The following RAPGEF6 variants were observed in gnomAD, a reference collection of about 807,000 sequenced individuals.
The protein encoded by RAPGEF6 is PDZ domain containing guanine nucleotide exchange factor (GEF) 2.
Under a neutral mutation model 171.4 loss-of-function variants are expected in RAPGEF6, and 56 were observed. The observed-to-expected ratio is 0.33, with a 90% confidence interval of 0.26 to 0.41. RAPGEF6 has a LOEUF of 0.41. RAPGEF6 is among the 10% of genes least tolerant of loss of function. The pLI, the probability that RAPGEF6 is intolerant of heterozygous loss-of-function variation, is 1.00. For synonymous variants in RAPGEF6, 692 were observed against 650.1 expected (o/e 1.06, Z -0.98); for missense variants, 1,674 against 1,921.4 (o/e 0.87, Z 2.41).
intron 5 of RAPGEF6, among the ~76,000 whole-genome samples, chr5:131,555,745 T>C: frequency 1.0e-5 from 1 of 97,204 alleles, no homozygotes; most frequent in Non-Finnish European, 2.2e-5. Context: ...GATTTATGTA[T>C]ATGTGTTATG....
intron 23 of RAPGEF6, chr5:131,440,377 T>C (rs1267564063): frequency 2.7e-6 from 1 of 364,830 alleles, no homozygotes; most frequent in Non-Finnish European, 5.4e-6. Flanking sequence ...ATGCTTTCAA[T>C]ATATTGACGT....
intron 4 of RAPGEF6, among the ~76,000 whole-genome samples, chr5:131,571,031 G>C (rs763734341): frequency 2.1e-5 from 3 of 144,962 alleles, no homozygotes; most frequent in African/African-American, 7.8e-5. Context: ...TGCAACCTCC[G>C]CCTCCCAGGT....
chr5:131,472,491 G>T, intron 17 of RAPGEF6, 96 bp downstream of exon 17: 2 of 1,362,616 alleles, frequency 1.5e-6, no homozygotes, highest in Non-Finnish European at 1.0e-6. Flanking sequence ...AGTTAAGAGG[G>T]CTGCAAGTAA....
chr5:131,492,691 G>C lies in RAPGEF6; in HGVS notation c.1622C>G (p.Pro541Arg), dbSNP rs757529472. The change falls in exon 14 of 28, where the codon CCT (proline) becomes CGT (arginine). Residue 541 changes from proline to arginine, a missense_variant. Transcript: ENST00000509018. ...VVLQKASRES[P>R]LQFSLNGGSE... ...CCCTCCATTAAGGCTGAATTGTAGA[G>C]GGGACTCGCGGGAAGCCTTTTGCAG... 3.7e-6 allele frequency: 6 copies of C among 1,613,990 alleles called. No homozygotes were observed. The highest frequency in any genetic ancestry group is 1.7e-5 in the Admixed American group (1 of 60,006).
Position 131,521,441 on chromosome 5 carries a change from A to T in RAPGEF6, c.576T>A (p.Gly192=), listed in dbSNP as rs1758471465. 1 of 1,612,688 alleles carries T rather than the reference A, an allele frequency of 6.2e-7. No individual in the cohort carries two copies. Among genetic ancestry groups the T allele is most frequent in the African/African-American group, 1.3e-5 (1 of 74,840 alleles). The change falls in exon 7 of 28, where the codon GGT becomes GGA. Residue 192 remains glycine (G), a synonymous_variant. Coordinates refer to ENST00000509018, the MANE Select transcript of RAPGEF6 (RefSeq NM_016340.6). The stretch of plus-strand genomic sequence containing the variant: ...TTCCAGAGTCACTGGCAATGCTACA[A>T]CCAGACTGACTAGAAGACACATGAG... ...QVTHVSSSQS[G]CSIASDSGSS... is the part of the protein sequence containing the mutation.
At chr5:131,503,297 T>C (rs956890802) in intron 11 of RAPGEF6, among the ~76,000 whole-genome samples, 1 of 152,174 alleles carries the variant, frequency 6.6e-6, no homozygotes, top group African/African-American at 2.4e-5. Context: ...TATTAACAGT[T>C]GAGGAATCAG....
chr5:131,599,449 C>A (rs576708174), intron 3 of RAPGEF6, among the ~76,000 whole-genome samples: 1 of 152,080 alleles, frequency 6.6e-6, no homozygotes, highest in Admixed American at 6.6e-5. Flanking sequence ...GCAAAATAAA[C>A]AATAAACAAA....
intron 4 of RAPGEF6, among the ~76,000 whole-genome samples, chr5:131,573,761 A>G (rs1165040776): frequency 6.6e-6 from 1 of 152,154 alleles, no homozygotes; most frequent in Non-Finnish European, 1.5e-5. Context: ...TACCCACGGT[A>G]AAGATGAAAA....
chr5:131,566,039 C>T (rs986456151), intron 4 of RAPGEF6, among the ~76,000 whole-genome samples: 2 of 151,668 alleles, frequency 1.3e-5, no homozygotes, highest in African/African-American at 2.4e-5. Context: ...CCCAGTTACT[C>T]GGAAGGTTGA....
In RAPGEF6 at chr5:131,433,540, T is replaced by C. The variant is rs373104489; in HGVS notation, c.3864A>G (p.Leu1288=). 1.2e-6 allele frequency: 2 copies of C among 1,613,470 alleles called. No homozygotes were observed. The highest frequency in any genetic ancestry group is 1.3e-5 in the African/African-American group (1 of 74,888). ...NCSVDSMSAA[L]QDERCSSQAL... ...CCTGAGAGGAACACCGTTCATCCTGTAGAGCTGCAGACATGGAGTCAACAG... is the reference window on the plus strand; with the variant it reads ...CCTGAGAGGAACACCGTTCATCCTGCAGAGCTGCAGACATGGAGTCAACAG... Residue 1288 remains leucine, a synonymous_variant, in exon 25 of 28, where the codon CTA becomes CTG. Coordinates refer to ENST00000509018, the MANE Select transcript of RAPGEF6 (RefSeq NM_016340.6).
chr5:131,616,695 C>T (rs1222607269), intron 1 of RAPGEF6, among the ~76,000 whole-genome samples: 1 of 152,134 alleles, frequency 6.6e-6, no homozygotes. Context: ...TACAGTGGCA[C>T]AATCACGACT....
In RAPGEF6 at chr5:131,433,625, T is replaced by C. The variant is rs1483939043; in HGVS notation, c.3779A>G (p.Asn1260Ser). Residue 1260 changes from asparagine to serine, a missense_variant, in exon 25 of 28, where the codon AAC (asparagine) becomes AGC (serine). Asn to Ser is a conservative substitution (Grantham distance 46). Coordinates refer to ENST00000509018, the MANE Select transcript of RAPGEF6 (RefSeq NM_016340.6). ...CTCACTATGGCTGGAGTCAGACAAG[T>C]TGTCAGATTTAGCTGATGGAATAAG... is the stretch of plus-strand genomic sequence containing the variant. ...YTLIPSAKSDNLSDSSHSEIS... is the reference protein window; with the variant it reads ...YTLIPSAKSDSLSDSSHSEIS... 2 of 1,612,788 alleles carry C rather than the reference T, an allele frequency of 1.2e-6. No individual in the cohort carries two copies. Among genetic ancestry groups the C allele is most frequent in the Non-Finnish European group, 1.7e-6 (2 of 1,178,984 alleles).
In RAPGEF6 at chr5:131,453,078, T is replaced by C. The variant is rs1753219459; in HGVS notation, c.3176A>G (p.Asp1059Gly). The C allele has an allele frequency of 6.2e-7, 1 of 1,613,856 alleles. No individual in the cohort carries two copies. The highest frequency in any genetic ancestry group is 1.7e-5 in the Admixed American group (1 of 59,988). The part of the protein sequence containing the change: ...QVVRMTSANM[D>G]PAMMFRQRSL... ...CCTCTGTCGAAACATCATAGCTGGG[T>C]CCATGTTAGCAGAAGTCATTCGAAC... The change falls in exon 21 of 28, where the codon GAC becomes GGC. Residue 1059 changes from aspartate (D) to glycine (G), a missense_variant. Physicochemically the swap from Asp to Gly is moderately conservative, Grantham distance 94 (BLOSUM62 -1). This residue lies in a region of RAPGEF6 where 1,116 missense variants were observed against 1,321.5 expected (regional missense o/e 0.84). Transcript: ENST00000509018.
At chr5:131,571,128 G>T (rs1212685547) in intron 4 of RAPGEF6, among the ~76,000 whole-genome samples, 2 of 151,882 alleles carry the variant, frequency 1.3e-5, no homozygotes, top group African/African-American at 4.8e-5. Flanking sequence ...TTTTAGTAGA[G>T]CCAGGATTTC....
chr5:131,585,842 A>C (rs1362585152), intron 4 of RAPGEF6, among the ~76,000 whole-genome samples: 2 of 152,096 alleles, frequency 1.3e-5, no homozygotes, highest in Non-Finnish European at 2.9e-5. Context: ...AACAAACAAA[A>C]AAAGCAACCA....
chr5:131,504,516 C>A, intron 11 of RAPGEF6, 110 bp downstream of exon 11: 1 of 1,157,254 alleles, frequency 8.6e-7, no homozygotes, highest in South Asian at 1.9e-5. Context: ...AGTTAGATGC[C>A]AAAGTGTTAA....
Position 131,492,685 on chromosome 5 carries a change from T to G in RAPGEF6, c.1628A>C (p.Gln543Pro), listed in dbSNP as rs766613593. 1 of 1,614,134 alleles carries G rather than the reference T, an allele frequency of 6.2e-7. No homozygotes were observed. Among genetic ancestry groups the G allele is most frequent in the East Asian group, 2.2e-5 (1 of 44,880 alleles). The change falls in exon 14 of 28, where the codon CAA becomes CCA. Residue 543 changes from glutamine to proline, a missense_variant. Gln to Pro is a moderately conservative substitution (Grantham distance 76). This residue lies in a region of RAPGEF6 where 1,116 missense variants were observed against 1,321.5 expected (regional missense o/e 0.84). Transcript: ENST00000509018. Reference protein sequence around the residue: ...LQKASRESPLQFSLNGGSEKG... With the variant: ...LQKASRESPLPFSLNGGSEKG... ...CTCACTCCCTCCATTAAGGCTGAAT[T>G]GTAGAGGGGACTCGCGGGAAGCCTT...
intron 4 of RAPGEF6, among the ~76,000 whole-genome samples, chr5:131,576,739 T>C (rs189591777): frequency 3.3e-5 from 5 of 152,292 alleles, no homozygotes; most frequent in African/African-American, 1.2e-4. Context: ...CCCTTCCTAC[T>C]CAAGGCAAAT....
chr5:131,605,072 A>G (rs1764474275), intron 1 of RAPGEF6, among the ~76,000 whole-genome samples: 1 of 152,250 alleles, frequency 6.6e-6, no homozygotes, highest in African/African-American at 2.4e-5. Context: ...GACCCAGTTT[A>G]TCAATATTCC....
Sources: gnomAD v4.1 joint callset for allele counts (sites outside exome capture counted in the v4.1 genomes callset) on GRCh38, gnomAD v4.1.1 for gene constraint, gnomAD v4.1.1 regional missense constraint, MANE v1.5 for transcripts, NCBI Gene and HGNC (gene_info 2026-07-23, HGNC 2026-07-21) for gene names.